The following RABGAP1L variants were observed in gnomAD, a reference collection of about 807,000 sequenced individuals.
The protein encoded by RABGAP1L is RAB GTPase activating protein 1 like.
RABGAP1L carries 63 observed loss-of-function variants against 137.7 expected under a neutral mutation model. That is an observed-to-expected ratio of 0.46 (90% CI 0.37 to 0.56). RABGAP1L has a LOEUF of 0.56. Ranked by LOEUF, RABGAP1L falls within the 20% of genes least tolerant of loss-of-function variation. The probability of loss-of-function intolerance (pLI) is 0.00; values close to 1 mark genes in which losing one functional copy is unlikely to be tolerated. For missense variants in RABGAP1L, 1,095 were observed against 1,244.0 expected, an observed-to-expected ratio of 0.88 and a Z score of 1.80; for synonymous variants, 431 against 433.7, an observed-to-expected ratio of 0.99 and a Z score of 0.08.
chr1:174,794,085 T>C (rs1688061939), intron 18 of RABGAP1L, among the ~76,000 whole-genome samples: 1 of 152,216 alleles, frequency 6.6e-6, no homozygotes, highest in Non-Finnish European at 1.5e-5. Context: ...GTGTCATCTG[T>C]ATTTTGACCT....
intron 19 of RABGAP1L, among the ~76,000 whole-genome samples, chr1:174,878,687 A>G (rs1034392954): frequency 1.1e-4 from 16 of 152,230 alleles, no homozygotes; most frequent in African/African-American, 3.9e-4. Context: ...AAACATGGCT[A>G]TTTCTTGAAA....
chr1:174,614,856 C>A lies in RABGAP1L; in HGVS notation c.1711-22519C>A, dbSNP rs368240765. On this transcript the variant is annotated intron_variant, in intron 13 of 25. Coordinates refer to ENST00000681986, the MANE Select transcript of RABGAP1L (RefSeq NM_001366446.1). Reference sequence around the variant, plus strand: ...TCTTCCATCACTGATACCCTTTCTTCCAGTTGATCGTATCGGCTCCTGAGG... The same window carrying A: ...TCTTCCATCACTGATACCCTTTCTTACAGTTGATCGTATCGGCTCCTGAGG... Among the ~76,000 whole-genome samples, 5 of 152,316 alleles carry A rather than the reference C, an allele frequency of 3.3e-5. No individual in the cohort carries two copies. The East Asian group carries it at 9.6e-4, about 29-fold the overall frequency.
At chr1:174,929,173 C>G (rs963588702) in intron 19 of RABGAP1L, among the ~76,000 whole-genome samples, 5 of 151,952 alleles carry the variant, frequency 3.3e-5, no homozygotes, top group Non-Finnish European at 7.4e-5. Context: ...ATGTAACAAA[C>G]CTGAACACTG....
intron 13 of RABGAP1L, among the ~76,000 whole-genome samples, chr1:174,521,977 G>A (rs1663435436): frequency 6.6e-6 from 1 of 152,088 alleles, no homozygotes; most frequent in Admixed American, 6.6e-5. Flanking sequence ...TACTCAGGAG[G>A]CTGAAGCAGG....
chr1:174,504,814 A>G (rs1283325118), intron 13 of RABGAP1L, among the ~76,000 whole-genome samples: 3 of 152,148 alleles, frequency 2.0e-5, no homozygotes, highest in East Asian at 1.9e-4. Context: ...GGTCTGGGCA[A>G]TGATGTTTTA....
chr1:174,324,837 A>T, intron 11 of RABGAP1L, among the ~76,000 whole-genome samples: 1 of 152,216 alleles, frequency 6.6e-6, no homozygotes, highest in Non-Finnish European at 1.5e-5. Context: ...GTTTAATAAG[A>T]TAAAGACCAA....
intron 18 of RABGAP1L, among the ~76,000 whole-genome samples, chr1:174,781,182 A>G (rs1188817641): frequency 6.6e-6 from 1 of 152,210 alleles, no homozygotes; most frequent in Non-Finnish European, 1.5e-5. Flanking sequence ...TTACAGTCCC[A>G]CCAACACTGT....
chr1:174,285,318 A>G lies in RABGAP1L; in HGVS notation c.1323+6539A>G, dbSNP rs565605666. 7.9e-5 allele frequency among the ~76,000 whole-genome samples: 12 copies of G among 152,238 alleles called. No individual in the cohort carries two copies. In the South Asian group the frequency reaches 1.0e-3, roughly 13 times the overall value. ...CGGCATGAGCCACCATGCCCAGCCA[A>G]TGTCTTACAGTTTTTAGTGTATGGA... On this transcript the variant is annotated intron_variant, in intron 10 of 25. Transcript: ENST00000681986.
At chr1:174,251,144 G>A (rs1313583820) in intron 6 of RABGAP1L, among the ~76,000 whole-genome samples, 1 of 152,118 alleles carries the variant, frequency 6.6e-6, no homozygotes, top group Non-Finnish European at 1.5e-5. Context: ...TGATACTGTA[G>A]AAAATTTAGT....
chr1:174,434,489 A>G (rs1006066921), intron 13 of RABGAP1L, among the ~76,000 whole-genome samples: 3 of 152,176 alleles, frequency 2.0e-5, no homozygotes, highest in African/African-American at 7.2e-5. Flanking sequence ...ATTGGAAGGA[A>G]TTGATGGGAG....
rs185226649 is a variant in RABGAP1L at position 174,376,501 on chromosome 1, G to A, written c.1559+5429G>A. Reference sequence around the variant, plus strand: ...TGAAAGGATAATGTTGCATGACTACGTGGGACGTATTTTGGGAATGCAAGG... The same window carrying A: ...TGAAAGGATAATGTTGCATGACTACATGGGACGTATTTTGGGAATGCAAGG... On this transcript the variant is annotated intron_variant, in intron 12 of 25. Transcript: ENST00000681986. Among the ~76,000 whole-genome samples, 10 of 152,250 alleles carry A rather than the reference G, an allele frequency of 6.6e-5. No homozygotes were observed. The East Asian group carries it at 7.7e-4, about 12-fold the overall frequency.
At chr1:174,635,261 A>G (rs1673894183) in intron 13 of RABGAP1L, among the ~76,000 whole-genome samples, 1 of 152,180 alleles carries the variant, frequency 6.6e-6, no homozygotes, top group Non-Finnish European at 1.5e-5. Context: ...AAAAGTACAA[A>G]AAGAGTTATC....
chr1:174,281,427 T>C (rs1364645886), intron 10 of RABGAP1L, among the ~76,000 whole-genome samples: 1 of 152,242 alleles, frequency 6.6e-6, no homozygotes, highest in Non-Finnish European at 1.5e-5. Context: ...AGAGTGCTGA[T>C]TGGTGTGTTT....
chr1:174,350,211 G>A (rs1311541930), intron 11 of RABGAP1L, among the ~76,000 whole-genome samples: 14 of 138,016 alleles, frequency 1.0e-4, no homozygotes, highest in African/African-American at 1.4e-4. Flanking sequence ...CCTCCCTCCC[G>A]GACGGGGTGG....
At chr1:174,914,309 A>ATT (rs1660510209) in intron 19 of RABGAP1L, among the ~76,000 whole-genome samples, 1 of 152,194 alleles carries the variant, frequency 6.6e-6, no homozygotes, top group Admixed American at 6.5e-5. Context: ...AGGAAGAGAG[A>ATT]ATACATCCCT....
rs562402290 is a variant in RABGAP1L, at chr1:174,887,149, A to C, written c.2341-70308A>C. 2.6e-5 allele frequency among the ~76,000 whole-genome samples: 4 copies of C among 152,284 alleles called. 1 individual carries two copies. The South Asian group carries it at 6.2e-4, about 24-fold the overall frequency. On this transcript the variant is annotated intron_variant, in intron 19 of 25. Coordinates refer to ENST00000681986, the MANE Select transcript of RABGAP1L (RefSeq NM_001366446.1). ...CATGTTCCATTGACCAAACAAATCA[A>C]AAGGCCACTTCCAACATCCTGGAGA...
chr1:174,944,828 G>C (rs1431208986), intron 19 of RABGAP1L, among the ~76,000 whole-genome samples: 1 of 152,004 alleles, frequency 6.6e-6, no homozygotes, highest in Non-Finnish European at 1.5e-5. Context: ...TCTCTCTAAA[G>C]TCAGATTTAC....
chr1:174,994,934 A>G lies in RABGAP1L; in HGVS notation c.*4933A>G, dbSNP rs1436741006. ...AACAGGTTCTAGAATAAAGGAGTTG[A>G]TTAGTCTGAACAGTACTAATTAACT... On this transcript the variant is annotated 3_prime_UTR_variant, in exon 26 of 26. Coordinates refer to ENST00000681986, the MANE Select transcript of RABGAP1L (RefSeq NM_001366446.1). The G allele has an allele frequency of 6.6e-6, 1 of 152,232 alleles. No homozygotes were observed. The highest frequency in any genetic ancestry group is 1.5e-5 in the Non-Finnish European group (1 of 68,052). The allele number at this position is 152,232 out of a possible 1,614,324, so 9.4% of individuals were successfully genotyped here.
chr1:174,194,337 C>G (rs1365284031), intron 1 of RABGAP1L, among the ~76,000 whole-genome samples: 2 of 151,106 alleles, frequency 1.3e-5, no homozygotes, highest in African/African-American at 4.9e-5. Context: ...TGGGTTCAAG[C>G]GATTCTCCTG....
Sources: gnomAD v4.1 joint callset for allele counts (sites outside exome capture counted in the v4.1 genomes callset) on GRCh38, gnomAD v4.1.1 for gene constraint, MANE v1.5 for transcripts, NCBI Gene and HGNC (gene_info 2026-07-23, HGNC 2026-07-21) for gene names.